Variants in INSYN2A observed in about 807,000 individuals in gnomAD.
INSYN2A encodes family with sequence similarity 196 member A.
A neutral mutation model predicts 39.4 loss-of-function variants in INSYN2A; 17 were observed. That is an observed-to-expected ratio of 0.43 (90% CI 0.30 to 0.65). The LOEUF is 0.65. Among genes scored for constraint, INSYN2A ranks in the 30% least tolerant of loss-of-function variants. INSYN2A has a pLI of 0.14. For missense variants in INSYN2A, 595 were observed against 631.2 expected (o/e 0.94, Z 0.61); for synonymous variants, 255 against 265.7 (o/e 0.96, Z 0.39).
chr10:127,174,916 C>T (rs2054939277), intron 4 of INSYN2A, among the ~76,000 whole-genome samples: 1 of 152,058 alleles, frequency 6.6e-6, no homozygotes, highest in African/African-American at 2.4e-5. Context: ...TATCATAAAC[C>T]TTTAGCCCTA....
chr10:127,176,605 T>G lies in INSYN2A; in HGVS notation c.-5-205A>C, dbSNP rs575399763. On this transcript the variant is annotated intron_variant, in intron 3 of 5. Coordinates refer to ENST00000522781, the MANE Select transcript of INSYN2A (RefSeq NM_001039762.3). This position sits in a 1 kb window ranked among gnomAD's most constrained non-coding sequence, Gnocchi z 4.4. ...GAAATGCTTCTCAGATATTAAAGCCTGCTTGCTTTTCCAGGTGGGATACAC... is the reference window on the plus strand; with the variant it reads ...GAAATGCTTCTCAGATATTAAAGCCGGCTTGCTTTTCCAGGTGGGATACAC... Among the ~76,000 whole-genome samples the G allele has an allele frequency of 3.9e-5, 6 of 152,346 alleles. No individual in the cohort carries two copies. In the East Asian group the frequency reaches 9.6e-4, roughly 24 times the overall value.
intron 2 of INSYN2A, among the ~76,000 whole-genome samples, chr10:127,178,464 C>T (rs2055391927): frequency 6.6e-6 from 1 of 152,158 alleles, no homozygotes; most frequent in African/African-American, 2.4e-5. Flanking sequence ...ACCGCTCCCT[C>T]CCAGTGTGAC....
At chr10:127,139,898 T>G (rs1333504025) in intron 5 of INSYN2A, among the ~76,000 whole-genome samples, 1 of 152,192 alleles carries the variant, frequency 6.6e-6, no homozygotes, top group Non-Finnish European at 1.5e-5. Flanking sequence ...TGATCACTAA[T>G]CTTATAATGG....
At chr10:127,145,766 G>A (rs184526932) in intron 5 of INSYN2A, among the ~76,000 whole-genome samples, 1 of 152,288 alleles carries the variant, frequency 6.6e-6, no homozygotes, top group East Asian at 1.9e-4. Flanking sequence ...GATGTGGTCA[G>A]GAGCTCCCAC....
chr10:127,189,579 A>G (rs548852048), intron 2 of INSYN2A, among the ~76,000 whole-genome samples: 16 of 152,266 alleles, frequency 1.1e-4, no homozygotes, highest in Non-Finnish European at 2.4e-4. Context: ...AAATGAGGAT[A>G]TGAATGACTT....
At chr10:127,146,126 C>T in intron 5 of INSYN2A, 1 of 489,824 alleles carries the variant, frequency 2.0e-6, no homozygotes, top group Non-Finnish European at 4.0e-6. Flanking sequence ...TTATCTTTAT[C>T]TTCCCATGAA....
At chr10:127,168,963 CCT>C (rs2054320646) in intron 4 of INSYN2A, among the ~76,000 whole-genome samples, 1 of 152,132 alleles carries the variant, frequency 6.6e-6, no homozygotes, top group Non-Finnish European at 1.5e-5. Flanking sequence ...TTTCTTATCC[CCT>C]GACAGGTCTC....
intron 2 of INSYN2A, among the ~76,000 whole-genome samples, chr10:127,179,850 TC>T (rs1283758558): frequency 6.6e-6 from 1 of 152,230 alleles, no homozygotes; most frequent in Non-Finnish European, 1.5e-5. Flanking sequence ...AGTTAAGTGC[TC>T]CTATGTGCTA....
chr10:127,146,127 T>G lies in INSYN2A; in HGVS notation c.1256+7725A>C, dbSNP rs111431073. The stretch of plus-strand genomic sequence containing the variant: ...CATCTAAACATGAATTATCTTTATC[T>G]TCCCATGAAACTGACAGCGTAGTCC... On this transcript the variant is annotated intron_variant, in intron 5 of 5. Transcript: ENST00000522781. 3.9e-5 allele frequency: 19 copies of G among 488,032 alleles called. 2 individuals are homozygous for G. The highest frequency in any genetic ancestry group is 1.2e-4 in the African/African-American group (6 of 50,394). The allele number at this position is 488,032 out of a possible 1,614,324, so 30.2% of individuals were successfully genotyped here.
At chr10:127,194,852 G>C (rs1007155799) in intron 1 of INSYN2A, among the ~76,000 whole-genome samples, 2 of 152,152 alleles carry the variant, frequency 1.3e-5, no homozygotes, top group Non-Finnish European at 1.5e-5. Flanking sequence ...GTTTCACCTC[G>C]GGATGCTTCC....
intron 5 of INSYN2A, among the ~76,000 whole-genome samples, chr10:127,153,246 T>G (rs368960837): frequency 3.9e-5 from 6 of 152,240 alleles, no homozygotes; most frequent in African/African-American, 1.4e-4. Context: ...CTTAAAATCC[T>G]AAATTACTGA....
intron 5 of INSYN2A, chr10:127,145,816 C>T (rs2489392): frequency 0.79 from 259,395 of 328,410 alleles, 108,729 homozygotes; most frequent in South Asian, 0.91. Context: ...CTCCACTAAA[C>T]GTAGCAGTGA....
chr10:127,170,222 T>C lies in INSYN2A; in HGVS notation c.1184+4990A>G, dbSNP rs77658889. ...TGGTGTGTTACTTAGGATTTTCTGT[T>C]TTTAATCATACTCTTGCCTTTGCTC... On this transcript the variant is annotated intron_variant, in intron 4 of 5. Coordinates refer to ENST00000522781, the MANE Select transcript of INSYN2A (RefSeq NM_001039762.3). Among the ~76,000 whole-genome samples the C allele has an allele frequency of 6.6e-5, 10 of 152,270 alleles. No individual in the cohort carries two copies. In the East Asian group the frequency reaches 1.9e-3, roughly 29 times the overall value.
In INSYN2A at chr10:127,175,603, C is replaced by T; in HGVS notation, c.793G>A (p.Ala265Thr). The T allele has an allele frequency of 1.2e-6, 2 of 1,612,492 alleles. No homozygotes were observed. Among genetic ancestry groups the T allele is most frequent in the Non-Finnish European group, 1.7e-6 (2 of 1,179,896 alleles). The change falls in exon 4 of 6, where the codon GCC (alanine) becomes ACC (threonine). Residue 265 changes from alanine (A) to threonine (T), a missense_variant. Physicochemically the swap from Ala to Thr is moderately conservative, Grantham distance 58. Transcript: ENST00000522781. The surrounding 1 kb of genome is among the most constrained non-coding windows in gnomAD (Gnocchi z 6.3). Reference sequence around the variant, plus strand: ...GAGTCTGACAAACCAGGCTCGGGGGCCCTGGCACTGAGGGCAGGTGCGTAA... The same window carrying T: ...GAGTCTGACAAACCAGGCTCGGGGGTCCTGGCACTGAGGGCAGGTGCGTAA... The part of the protein sequence containing the change: ...TVYAPALSAR[A>T]PEPGLSDSAA...
intron 2 of INSYN2A, among the ~76,000 whole-genome samples, chr10:127,186,836 G>A (rs1298861233): frequency 4.6e-5 from 7 of 151,972 alleles, no homozygotes; most frequent in African/African-American, 1.2e-4. Flanking sequence ...ACGGTGAGTC[G>A]AGAGAAATGC....
intron 4 of INSYN2A, among the ~76,000 whole-genome samples, chr10:127,167,623 A>G (rs1442214160): frequency 1.3e-5 from 2 of 152,070 alleles, no homozygotes; most frequent in African/African-American, 2.4e-5. Flanking sequence ...CTCTCCTCTC[A>G]TTTGGACCAT....
At chr10:127,191,899 G>T (rs1295128050) in intron 2 of INSYN2A, among the ~76,000 whole-genome samples, 1 of 152,196 alleles carries the variant, frequency 6.6e-6, no homozygotes, top group African/African-American at 2.4e-5. Flanking sequence ...TTGCAAGGCT[G>T]CCTGTAGTAT....
chr10:127,160,618 G>A (rs1564853397), intron 4 of INSYN2A, among the ~76,000 whole-genome samples: 5 of 152,208 alleles, frequency 3.3e-5, no homozygotes, highest in African/African-American at 9.7e-5. Context: ...CCTTCTAAGT[G>A]TGGTCTTCAA....
Position 127,186,467 on chromosome 10 carries a change from C to T in INSYN2A, c.-269+6138G>A, listed in dbSNP as rs188122748. Among the ~76,000 whole-genome samples the T allele has an allele frequency of 1.6e-3, 217 of 138,224 alleles. 1 individual carries two copies. Among genetic ancestry groups the T allele is most frequent in the Non-Finnish European group, 2.6e-3 (171 of 65,244 alleles). 90.7% of individuals were successfully genotyped at this position (138,224 alleles called of 152,430 possible). ...CGATAGACAACCATCAGATCTCCTG[C>T]GATTTCACTCACAATCATGATAACA... On this transcript the variant is annotated intron_variant, in intron 2 of 5. Transcript: ENST00000522781.
Sources: gnomAD v4.1 joint callset for allele counts (sites outside exome capture counted in the v4.1 genomes callset) on GRCh38, gnomAD v4.1.1 for gene constraint, Gnocchi (gnomAD v3.1) non-coding constraint, MANE v1.5 for transcripts, NCBI Gene and HGNC (gene_info 2026-07-23, HGNC 2026-07-21) for gene names.